Variants in DOCK8 observed in about 807,000 individuals in gnomAD.
The protein encoded by DOCK8 is dedicator of cytokinesis 8.
DOCK8 carries 141 observed loss-of-function variants against 245.6 expected under a neutral mutation model. The ratio of observed to expected loss-of-function variants is 0.57; its 90% CI spans 0.50 to 0.66. The LOEUF is 0.66. DOCK8 is among the 30% of genes least tolerant of loss of function. The pLI is 0.00. For synonymous variants in DOCK8, 1,168 were observed against 970.2 expected, an observed-to-expected ratio of 1.20 and a Z score of -3.79; for missense variants, 2,965 against 2,603.4, an observed-to-expected ratio of 1.14 and a Z score of -3.02.
intron 44 of DOCK8, among the ~76,000 whole-genome samples, chr9:448,744 G>C (rs1421127186): frequency 6.6e-6 from 1 of 152,150 alleles, no homozygotes; most frequent in African/African-American, 2.4e-5. Flanking sequence ...GGCTTACCCT[G>C]CTGGCCTCAT....
chr9:247,426 A>G (rs2047530264), intron 1 of DOCK8, among the ~76,000 whole-genome samples: 1 of 152,212 alleles, frequency 6.6e-6, no homozygotes, highest in South Asian at 2.1e-4. Flanking sequence ...ATTTTGTAGC[A>G]TCCATTTGTC....
intron 18 of DOCK8, among the ~76,000 whole-genome samples, chr9:373,871 A>G (rs1203949435): frequency 2.0e-5 from 3 of 152,166 alleles, no homozygotes; most frequent in Non-Finnish European, 2.9e-5. Context: ...GTATCCCTCA[A>G]AACCACCTTC....
At chr9:340,076 A>G (rs2051503411) in intron 13 of DOCK8, 83 bp from the exon 14 acceptor site, 3 of 1,511,892 alleles carry the variant, frequency 2.0e-6, no homozygotes, top group East Asian at 2.3e-5. Context: ...TTTTCATGAA[A>G]GAAACACAGT....
At chr9:223,842 T>C (rs1475538146) in intron 1 of DOCK8, among the ~76,000 whole-genome samples, 3 of 152,114 alleles carry the variant, frequency 2.0e-5, no homozygotes, top group African/African-American at 7.2e-5. Flanking sequence ...CCCATTTCTG[T>C]TCTCCCTGCT....
At chr9:356,050 G>C (rs770270271) in intron 14 of DOCK8, among the ~76,000 whole-genome samples, 1 of 152,178 alleles carries the variant, frequency 6.6e-6, no homozygotes, top group Non-Finnish European at 1.5e-5. Context: ...GCTCTAGCTG[G>C]TGAACATATT....
chr9:216,147 C>T (rs1321404071), intron 1 of DOCK8, among the ~76,000 whole-genome samples: 1 of 152,152 alleles, frequency 6.6e-6, no homozygotes, highest in East Asian at 1.9e-4. Context: ...AACTGTTTCT[C>T]TTACCTTACT....
intron 1 of DOCK8, among the ~76,000 whole-genome samples, chr9:267,048 G>A (rs150889481): frequency 6.6e-5 from 10 of 152,312 alleles, no homozygotes; most frequent in African/African-American, 2.4e-4. Context: ...GACCAGGGTA[G>A]AGATGAAGAA....
chr9:429,588 C>T, intron 35 of DOCK8, 114 bp from the exon 36 acceptor site: 1 of 1,221,668 alleles, frequency 8.2e-7, no homozygotes, highest in Non-Finnish European at 1.2e-6. Flanking sequence ...TGGAATAATG[C>T]ATTAACTCTT....
At chr9:398,520 A>C in intron 25 of DOCK8, among the ~76,000 whole-genome samples, 1 of 152,234 alleles carries the variant, frequency 6.6e-6, no homozygotes, top group East Asian at 1.9e-4. Context: ...AATCCCTCAT[A>C]AACAGGAGCA....
intron 1 of DOCK8, among the ~76,000 whole-genome samples, chr9:242,974 A>G (rs920381199): frequency 1.3e-5 from 2 of 152,190 alleles, no homozygotes; most frequent in African/African-American, 4.8e-5. Context: ...GGAACTTGGA[A>G]TATGATTTTA....
Position 441,428 on chromosome 9 carries a change from A to G in DOCK8, c.5355+11A>G, listed in dbSNP as rs1180521804. ...AGCATCGTTAACAAGGTAGCCGGGG[A>G]GCCTGGCTGGCAGGTCTTGTTACCT... On this transcript the variant is annotated intron_variant, in intron 41 of 47. Transcript: ENST00000432829. 1 of 1,614,026 alleles carries G rather than the reference A, an allele frequency of 6.2e-7. No individual in the cohort carries two copies. The highest frequency in any genetic ancestry group is 1.7e-5 in the Admixed American group (1 of 60,002).
chr9:414,470 T>C (rs1453244561), intron 28 of DOCK8, among the ~76,000 whole-genome samples: 4 of 152,208 alleles, frequency 2.6e-5, no homozygotes, highest in African/African-American at 9.6e-5. Flanking sequence ...TTGCTTGGTT[T>C]TCCAGGGTTA....
chr9:276,090 C>T (rs374546516), intron 2 of DOCK8, among the ~76,000 whole-genome samples: 1 of 151,888 alleles, frequency 6.6e-6, no homozygotes, highest in East Asian at 1.9e-4. Flanking sequence ...GGGGTTTCGC[C>T]ATGTTGGCCA....
intron 43 of DOCK8, among the ~76,000 whole-genome samples, chr9:445,702 T>C (rs2057232443): frequency 6.6e-6 from 1 of 151,490 alleles, no homozygotes; most frequent in Admixed American, 6.6e-5. Flanking sequence ...CATTTGCTTG[T>C]TAATTCCCCA....
chr9:441,154 T>C (rs1283257954), intron 40 of DOCK8, 132 bp from the exon 41 acceptor site: 1 of 1,374,194 alleles, frequency 7.3e-7, no homozygotes, highest in African/African-American at 1.4e-5. Flanking sequence ...ATACCCCTTC[T>C]TGCCCTGTGA....
intron 1 of DOCK8, among the ~76,000 whole-genome samples, chr9:227,234 G>A (rs959150193): frequency 6.6e-6 from 1 of 152,226 alleles, no homozygotes; most frequent in Non-Finnish European, 1.5e-5. Context: ...ATGGGATAAG[G>A]ATGATGCCAA....
At chr9:308,926 A>G (rs1054806727) in intron 5 of DOCK8, among the ~76,000 whole-genome samples, 1 of 152,116 alleles carries the variant, frequency 6.6e-6, no homozygotes, top group Non-Finnish European at 1.5e-5. Context: ...CAAAGTGCTG[A>G]GATTACAGGC....
At chr9:302,984 A>G (rs1197913459) in intron 4 of DOCK8, among the ~76,000 whole-genome samples, 1 of 142,020 alleles carries the variant, frequency 7.0e-6, no homozygotes, top group African/African-American at 2.7e-5. Flanking sequence ...AAATAAATGG[A>G]AAAAAAAAAA....
intron 6 of DOCK8, among the ~76,000 whole-genome samples, chr9:315,248 CCGTTCATTT>C (rs1259831879): frequency 6.6e-6 from 1 of 152,110 alleles, no homozygotes; most frequent in Non-Finnish European, 1.5e-5. Flanking sequence ...CTCTTTCATT[CCGTTCATTT>C]ATATATATTT....
Sources: gnomAD v4.1 joint callset for allele counts (sites outside exome capture counted in the v4.1 genomes callset) on GRCh38, gnomAD v4.1.1 for gene constraint, MANE v1.5 for transcripts, NCBI Gene and HGNC (gene_info 2026-07-23, HGNC 2026-07-21) for gene names.